Variants in LMNB2 observed in about 807,000 individuals in gnomAD.
The protein encoded by LMNB2 is lamin-B2.
A neutral mutation model predicts 69.3 loss-of-function variants in LMNB2; 17 were observed. The observed-to-expected ratio is 0.25, with a 90% CI of 0.17 to 0.37. LMNB2 has a LOEUF of 0.37. LMNB2 is among the 10% of genes least tolerant of loss of function. The pLI, the probability that LMNB2 is intolerant of heterozygous loss-of-function variation, is 1.00. For missense variants in LMNB2, 789 were observed against 883.6 expected (o/e 0.89, Z 1.36); for synonymous variants, 397 against 389.3 (o/e 1.02, Z -0.23).
intron 1 of LMNB2, among the ~76,000 whole-genome samples, chr19:2,450,905 T>C (rs12976568): frequency 1.3e-5 from 2 of 151,352 alleles, no homozygotes; most frequent in Admixed American, 1.3e-4. Flanking sequence ...GCTGGGATTA[T>C]AGGTGTGAGC....
chr19:2,450,117 T>TATATACAC (rs563551026), intron 1 of LMNB2, among the ~76,000 whole-genome samples: 1 of 145,368 alleles, frequency 6.9e-6, no homozygotes, highest in Non-Finnish European at 1.5e-5. Context: ...CATATATATA[T>TATATACAC]ACACATATAT....
chr19:2,434,401 C>T lies in LMNB2; in HGVS notation c.1096G>A (p.Val366Met), dbSNP rs759720954. Residue 366 changes from valine to methionine, a missense_variant, in exon 7 of 12, where the codon GTG becomes ATG. Physicochemically the swap from Val to Met is conservative, Grantham distance 21 (BLOSUM62 1). Coordinates refer to ENST00000325327, the MANE Select transcript of LMNB2 (RefSeq NM_032737.4). Reference sequence around the variant, plus strand: ...TACTCGGCCAGCTGCTGCTGCATCACGTCCCGCATCTCCGTCATCTCCTGC... The same window carrying T: ...TACTCGGCCAGCTGCTGCTGCATCATGTCCCGCATCTCCGTCATCTCCTGC... The part of the protein sequence containing the change: ...KEQEMTEMRD[V>M]MQQQLAEYQE... The T allele has an allele frequency of 1.4e-5, 22 of 1,613,342 alleles. No individual in the cohort carries two copies. The Middle Eastern group carries it at 4.9e-4, about 36-fold the overall frequency.
intron 2 of LMNB2, among the ~76,000 whole-genome samples, chr19:2,442,699 A>AT (rs1182794346): frequency 6.6e-6 from 1 of 152,100 alleles, no homozygotes; most frequent in Non-Finnish European, 1.5e-5. Flanking sequence ...GCGAGCTATG[A>AT]TTGTGCCACT....
At position 2,447,721 on chromosome 19, in the gene LMNB2, G is replaced by A. The variant is rs1450557096; in HGVS notation, c.265-3181C>T. Among the ~76,000 whole-genome samples, 1 of 152,182 alleles carries A rather than the reference G, an allele frequency of 6.6e-6. No individual in the cohort carries two copies. Among genetic ancestry groups the A allele is most frequent in the East Asian group, 1.9e-4 (1 of 5,196 alleles). On this transcript the variant is annotated intron_variant, in intron 1 of 11. Transcript: ENST00000325327. This position sits in a 1 kb window ranked among gnomAD's most constrained non-coding sequence, Gnocchi z 4.4. ...GTGGGTACAGGGTCGGCCTGCATCTGGAGGGCCACACCCCCATGTTACAGG... is the reference window on the plus strand; with the variant it reads ...GTGGGTACAGGGTCGGCCTGCATCTAGAGGGCCACACCCCCATGTTACAGG...
chr19:2,432,390 C>T, intron 9 of LMNB2, 26 bp downstream of exon 9: 1 of 1,596,410 alleles, frequency 6.3e-7, no homozygotes, highest in Non-Finnish European at 8.6e-7. Flanking sequence ...CCGTGGCCAC[C>T]CTCGCCCTCC....
intron 2 of LMNB2, among the ~76,000 whole-genome samples, chr19:2,441,285 C>T (rs1347648711): frequency 2.0e-5 from 3 of 152,256 alleles, no homozygotes; most frequent in Non-Finnish European, 4.4e-5. Flanking sequence ...GGCGGCCAGC[C>T]GCTCTGGCGC....
rs1408342698 is a variant in LMNB2 at position 2,447,855 on chromosome 19, A to G, written c.265-3315T>C. Among the ~76,000 whole-genome samples the G allele has an allele frequency of 6.6e-6, 1 of 152,166 alleles. No individual in the cohort carries two copies. Among genetic ancestry groups the G allele is most frequent in the Admixed American group, 6.5e-5 (1 of 15,284 alleles). Reference sequence around the variant, plus strand: ...GCCTCAAACCAACGCATGCTGGGCCATCTGGACAAGTCAGAGTCTCAGGCT... The same window carrying G: ...GCCTCAAACCAACGCATGCTGGGCCGTCTGGACAAGTCAGAGTCTCAGGCT... On this transcript the variant is annotated intron_variant, in intron 1 of 11. Coordinates refer to ENST00000325327, the MANE Select transcript of LMNB2 (RefSeq NM_032737.4). The surrounding 1 kb of genome is among the most constrained non-coding windows in gnomAD (Gnocchi z 4.4).
At chr19:2,446,636 G>A (rs958897914) in intron 1 of LMNB2, among the ~76,000 whole-genome samples, 6 of 152,198 alleles carry the variant, frequency 3.9e-5, no homozygotes, top group South Asian at 2.1e-4. Flanking sequence ...CAGCCAGGGC[G>A]TCCGTCAAGA....
rs960025615 is a variant in LMNB2 at position 2,456,878 on chromosome 19, G to C, written c.56C>G (p.Ala19Gly). The stretch of plus-strand genomic sequence containing the variant: ...GCCGGGCAGCGGCGTGGCCATGGTG[G>C]CGGCGGCTCGCGGCCTGCGCTGCTC... The part of the protein sequence containing the change: ...RREQRRPRAA[A>G]TMATPLPGRA... The change falls in exon 1 of 12, where the codon GCC (alanine) becomes GGC (glycine). Residue 19 changes from alanine to glycine, a missense_variant. Ala to Gly is a moderately conservative substitution (Grantham distance 60). Around this residue, in one of 3 missense-constraint regions of LMNB2, gnomAD observed 35 missense variants for 23.9 expected, o/e 1.47. Transcript: ENST00000325327. The C allele has an allele frequency of 3.7e-6, 4 of 1,090,912 alleles. No homozygotes were observed. The highest frequency in any genetic ancestry group is 4.4e-6 in the Non-Finnish European group (4 of 901,174). 67.6% of individuals were successfully genotyped at this position (1,090,912 alleles called of 1,614,324 possible).
chr19:2,444,616 T>C (rs2145462978), intron 1 of LMNB2, 76 bp from the exon 2 acceptor site: 2 of 1,571,264 alleles, frequency 1.3e-6, no homozygotes, highest in Middle Eastern at 1.7e-4. Context: ...GCCCGGCCAC[T>C]GGCCCTGCTC....
chr19:2,430,705 GTC>G lies in LMNB2; in HGVS notation c.*204_*205del, dbSNP rs1971728668. The G allele has an allele frequency of 1.5e-6, 1 of 651,728 alleles. No homozygotes were observed. Among genetic ancestry groups the G allele is most frequent in the African/African-American group, 1.8e-5 (1 of 55,986 alleles). The allele number at this position is 651,728 out of a possible 1,614,324, so 40.4% of individuals were successfully genotyped here. On this transcript the variant is annotated 3_prime_UTR_variant, in exon 12 of 12. Transcript: ENST00000325327. ...ATGAGGAGTGGGGTGGGATTGAAAAGTCTCCGGGGCAGCGGCGAAGTGGCAGC... is the reference window on the plus strand; with the variant it reads ...ATGAGGAGTGGGGTGGGATTGAAAAGTCCGGGGCAGCGGCGAAGTGGCAGC...
At position 2,442,562 on chromosome 19, in the gene LMNB2, A is replaced by G. The variant is rs548500807; in HGVS notation, c.401+1842T>C. Reference sequence around the variant, plus strand: ...CCAGCCTGGGTGACAGAGCAAGACTATGTCTCAAAAGGAAATAAATAAAAA... The same window carrying G: ...CCAGCCTGGGTGACAGAGCAAGACTGTGTCTCAAAAGGAAATAAATAAAAA... On this transcript the variant is annotated intron_variant, in intron 2 of 11. Coordinates refer to ENST00000325327, the MANE Select transcript of LMNB2 (RefSeq NM_032737.4). 2.0e-5 allele frequency among the ~76,000 whole-genome samples: 3 copies of G among 152,174 alleles called. No individual in the cohort carries two copies. The East Asian group carries it at 5.8e-4, about 29-fold the overall frequency.
chr19:2,431,716 G>A lies in LMNB2; in HGVS notation c.1711-58C>T, dbSNP rs199916885. On this transcript the variant is annotated intron_variant, in intron 10 of 11. Coordinates refer to ENST00000325327, the MANE Select transcript of LMNB2 (RefSeq NM_032737.4). Reference sequence around the variant, plus strand: ...GGATCGGGCCCAGAGCTGCTGTGGCGGCCCCGAGGGTGCCCAGACCCTGCC... The same window carrying A: ...GGATCGGGCCCAGAGCTGCTGTGGCAGCCCCGAGGGTGCCCAGACCCTGCC... 770 of 1,613,668 alleles carry A rather than the reference G, an allele frequency of 4.8e-4. 1 individual carries two copies. Among genetic ancestry groups the A allele is most frequent in the East Asian group, 4.4e-3 (199 of 44,874 alleles).
chr19:2,454,292 CAAAAAAA>C (rs58800585), intron 1 of LMNB2, among the ~76,000 whole-genome samples: 1 of 80,986 alleles, frequency 1.2e-5, no homozygotes, highest in Non-Finnish European at 2.5e-5. Flanking sequence ...GACTCTATCT[CAAAAAAA>C]AAAAAAAAAA....
chr19:2,449,387 G>A (rs1204927781), intron 1 of LMNB2, among the ~76,000 whole-genome samples: 3 of 152,168 alleles, frequency 2.0e-5, no homozygotes, highest in East Asian at 1.9e-4. Context: ...GTCTCCTAAC[G>A]ACACGCTTTC....
intron 2 of LMNB2, among the ~76,000 whole-genome samples, chr19:2,442,639 C>T (rs80202624): frequency 0.071 from 10,786 of 151,672 alleles, 607 homozygotes; most frequent in East Asian, 0.28. Context: ...CCCAGCTACT[C>T]GGGGTGGGGC....
At chr19:2,437,339 C>T (rs1257663877) in intron 4 of LMNB2, among the ~76,000 whole-genome samples, 1 of 152,228 alleles carries the variant, frequency 6.6e-6, no homozygotes, top group Non-Finnish European at 1.5e-5. Flanking sequence ...TCGCTTTGGA[C>T]AAGGAGGCCC....
At chr19:2,440,770 T>C (rs62119870) in intron 2 of LMNB2, among the ~76,000 whole-genome samples, 40,760 of 150,958 alleles carry the variant, frequency 0.27, 5,632 homozygotes, top group Middle Eastern at 0.34. Flanking sequence ...CATCTATCTA[T>C]CCATTATCTA....
At chr19:2,431,458 A>T in intron 11 of LMNB2, 90 bp downstream of exon 11, 2 of 1,562,024 alleles carry the variant, frequency 1.3e-6, no homozygotes, top group Non-Finnish European at 1.8e-6. Flanking sequence ...CCCGTCGGGG[A>T]TGCGGCCAGC....
Sources: allele counts gnomAD v4.1 joint callset (sites outside exome capture counted in the v4.1 genomes callset), GRCh38; gene constraint gnomAD v4.1.1; regional missense constraint gnomAD v4.1.1; non-coding constraint Gnocchi (gnomAD v3.1); transcripts MANE v1.5; gene names NCBI Gene and HGNC (gene_info 2026-07-23, HGNC 2026-07-21).